The following DOCK2 variants were observed in gnomAD, a reference collection of about 807,000 sequenced individuals.
DOCK2 encodes dedicator of cytokinesis protein 2.
In DOCK2, 87 loss-of-function variants were observed where a neutral mutation model predicts 248.9. The observed-to-expected ratio is 0.35, with a 90% confidence interval of 0.29 to 0.42. DOCK2 has a LOEUF of 0.42. Among genes scored for constraint, DOCK2 ranks in the 10% least tolerant of loss-of-function variants. DOCK2 has a pLI of 1.00. For synonymous variants in DOCK2, 805 were observed against 821.6 expected (o/e 0.98, Z 0.35); for missense variants, 1,747 against 2,300.2 (o/e 0.76, Z 4.92).
At chr5:169,965,936 G>GA (rs1777280725) in intron 27 of DOCK2, among the ~76,000 whole-genome samples, 1 of 152,244 alleles carries the variant, frequency 6.6e-6, no homozygotes. Context: ...TTATCCACTG[G>GA]AAAAAGGCTT....
At chr5:169,679,866 CTT>C (rs1759559784) in intron 6 of DOCK2, among the ~76,000 whole-genome samples, 1 of 152,174 alleles carries the variant, frequency 6.6e-6, no homozygotes, top group Non-Finnish European at 1.5e-5. Context: ...GAGATGAAGA[CTT>C]AGTTTCCTTC....
At chr5:169,911,161 A>G (rs1243140025) in intron 27 of DOCK2, among the ~76,000 whole-genome samples, 5 of 152,196 alleles carry the variant, frequency 3.3e-5, no homozygotes, top group Admixed American at 3.3e-4. Context: ...TTTCACTGAC[A>G]AAATGGCCCC....
chr5:169,803,111 G>T lies in DOCK2; in HGVS notation c.2608G>T (p.Glu870Ter). Reference protein sequence around the residue: ...VITKELKELLEQKDDMQHQVL... With the variant: ...VITKELKELL ...CACCAAAGAGCTGAAGGAGCTGCTG[G>T]AGCAGAAGGATGACATGCAACACCA... Residue 870 changes from glutamate to a stop codon, truncating the protein, a stop_gained, in exon 26 of 52, where the codon GAG (glutamate) becomes TAG (stop). Coordinates refer to ENST00000520908, the MANE Select transcript of DOCK2 (RefSeq NM_004946.3). LOFTEE classifies it high-confidence loss of function. 6.2e-7 allele frequency: 1 copy of T among 1,614,176 alleles called. No individual in the cohort carries two copies. The highest frequency in any genetic ancestry group is 8.5e-7 in the Non-Finnish European group (1 of 1,180,022).
At chr5:169,995,936 G>T in intron 29 of DOCK2, 150 bp from the exon 30 acceptor site, 1 of 689,362 alleles carries the variant, frequency 1.5e-6, no homozygotes, top group Non-Finnish European at 2.4e-6. Context: ...GTGAATAGTT[G>T]TTAATCTGCA....
chr5:169,835,426 T>A (rs2113308327), intron 26 of DOCK2, among the ~76,000 whole-genome samples: 1 of 152,062 alleles, frequency 6.6e-6, no homozygotes, highest in Admixed American at 6.5e-5. Context: ...GGCTAATTTT[T>A]ATATTTTTAG....
intron 1 of DOCK2, among the ~76,000 whole-genome samples, chr5:169,647,201 G>A (rs1264540827): frequency 6.6e-6 from 1 of 152,236 alleles, no homozygotes; most frequent in African/African-American, 2.4e-5. Flanking sequence ...GCAGGGCCAT[G>A]TCTGTTGTTC....
chr5:169,662,853 C>T (rs1758520851), intron 2 of DOCK2, among the ~76,000 whole-genome samples: 1 of 152,184 alleles, frequency 6.6e-6, no homozygotes, highest in Non-Finnish European at 1.5e-5. Context: ...CATCATTCCT[C>T]CCCTGGCCCT....
In DOCK2 at chr5:169,674,347, G is replaced by A; in HGVS notation, c.372G>A (p.Leu124=). 5.0e-6 allele frequency: 8 copies of A among 1,614,156 alleles called. No homozygotes were observed. The highest frequency in any genetic ancestry group is 6.8e-6 in the Non-Finnish European group (8 of 1,180,012). ...AGGTGCAGTCCATGATGTACGATCTGATGGAGTGGAGGTCCCAGCTTCTCT... is the reference window on the plus strand; with the variant it reads ...AGGTGCAGTCCATGATGTACGATCTAATGGAGTGGAGGTCCCAGCTTCTCT... The part of the protein sequence containing the change: ...FLQVQSMMYD[L]MEWRSQLLSG... Residue 124 remains leucine, a synonymous_variant, in exon 6 of 52, where the codon CTG becomes CTA. Transcript: ENST00000520908.
At chr5:169,659,775 A>C (rs1435899757) in intron 2 of DOCK2, among the ~76,000 whole-genome samples, 1 of 152,180 alleles carries the variant, frequency 6.6e-6, no homozygotes, top group African/African-American at 2.4e-5. Flanking sequence ...TGTGTTTTAG[A>C]TGTGGAAAAC....
At chr5:169,810,985 TCTCTCA>T (rs1410751156) in intron 26 of DOCK2, among the ~76,000 whole-genome samples, 41 of 77,456 alleles carry the variant, frequency 5.3e-4, no homozygotes, top group African/African-American at 1.6e-3. Context: ...TCTCTCTCTC[TCTCTCA>T]CACACACACA....
At chr5:169,787,555 C>G (rs1766060922) in intron 25 of DOCK2, among the ~76,000 whole-genome samples, 1 of 152,202 alleles carries the variant, frequency 6.6e-6, no homozygotes, top group South Asian at 2.1e-4. Flanking sequence ...CAGTCTTAAC[C>G]TTGTCCTTTT....
chr5:169,850,376 G>A (rs1312045147), intron 27 of DOCK2, among the ~76,000 whole-genome samples: 1 of 152,156 alleles, frequency 6.6e-6, no homozygotes, highest in Non-Finnish European at 1.5e-5. Context: ...GCAGCTCACT[G>A]TATGTGTCTA....
At chr5:169,748,365 T>C (rs1763723893) in intron 23 of DOCK2, among the ~76,000 whole-genome samples, 1 of 152,174 alleles carries the variant, frequency 6.6e-6, no homozygotes, top group African/African-American at 2.4e-5. Context: ...GTTAGAATTG[T>C]GTGGGGATCT....
chr5:169,712,039 C>T (rs759092936), intron 16 of DOCK2, 32 bp downstream of exon 16: 2 of 1,614,004 alleles, frequency 1.2e-6, no homozygotes, highest in Non-Finnish European at 1.7e-6. Flanking sequence ...ATCTCTGCAC[C>T]TCCCCCTAAG....
At chr5:169,930,499 T>G (rs259892) in intron 27 of DOCK2, among the ~76,000 whole-genome samples, 16,472 of 152,066 alleles carry the variant, frequency 0.11, 1,050 homozygotes, top group African/African-American at 0.19. Context: ...TCATGGTAAA[T>G]GAGTAAAAAT....
chr5:169,704,683 A>T (rs1486069269), intron 14 of DOCK2, among the ~76,000 whole-genome samples: 1 of 152,110 alleles, frequency 6.6e-6, no homozygotes, highest in African/African-American at 2.4e-5. Flanking sequence ...GCTTGAGGAC[A>T]TGGATCCCCA....
chr5:169,695,433 G>A (rs969250082), intron 9 of DOCK2: 9 of 187,642 alleles, frequency 4.8e-5, no homozygotes, highest in Admixed American at 3.2e-4. Context: ...TGATGTGACC[G>A]ATGGTGTCAT....
chr5:170,056,619 G>C, intron 42 of DOCK2, 65 bp from the exon 43 acceptor site: 1 of 1,361,504 alleles, frequency 7.3e-7, no homozygotes. Context: ...GACAGTGCAG[G>C]GTCAGATCGG....
At chr5:169,983,646 T>G (rs1246248105) in intron 28 of DOCK2, among the ~76,000 whole-genome samples, 2 of 152,192 alleles carry the variant, frequency 1.3e-5, no homozygotes, top group African/African-American at 4.8e-5. Flanking sequence ...TCTCTGCAGC[T>G]GATGACTTCA....
Sources: allele counts gnomAD v4.1 joint callset (sites outside exome capture counted in the v4.1 genomes callset), GRCh38; gene constraint gnomAD v4.1.1; transcripts MANE v1.5; gene names NCBI Gene and HGNC (gene_info 2026-07-23, HGNC 2026-07-21).